FRMD6: variants seen among roughly 807,000 people sequenced by gnomAD.
FRMD6 encodes FERM domain containing 6, also known as FERM domain-containing protein 6.
In FRMD6, 37 loss-of-function variants were observed where a neutral mutation model predicts 73.2. That is an observed-to-expected ratio of 0.51 (90% CI 0.39 to 0.66). The LOEUF (loss-of-function observed/expected upper bound fraction) is 0.66. FRMD6 is among the 30% of genes least tolerant of loss of function. The probability of loss-of-function intolerance (pLI) is 0.00; values close to 1 mark genes in which losing one functional copy is unlikely to be tolerated. For synonymous variants in FRMD6, 273 were observed against 282.2 expected (o/e 0.97, Z 0.33); for missense variants, 714 against 780.5 (o/e 0.91, Z 1.02).
At chr14:51,657,417 A>G (rs1298401057) in intron 1 of FRMD6, among the ~76,000 whole-genome samples, 4 of 152,186 alleles carry the variant, frequency 2.6e-5, no homozygotes, top group African/African-American at 9.7e-5. Context: ...GCTGACTTTT[A>G]TTGTCATGGT....
At chr14:51,427,840 T>C in the FRMD6 span, among the ~76,000 whole-genome samples, 1 of 152,188 alleles carries the variant, frequency 6.6e-6, no homozygotes, top group Admixed American at 6.5e-5. Flanking sequence ...ACCACAGAAA[T>C]TGGCACCCAC....
At chr14:51,484,193 G>A (rs1307257645), upstream of FRMD6, among the ~76,000 whole-genome samples, 2 of 152,300 alleles carry the variant, frequency 1.3e-5, no homozygotes, top group African/African-American at 4.8e-5. Context: ...GGAAAGGCTT[G>A]GGTTGGGGGA....
rs563028080 is a variant in FRMD6 at position 51,704,974 on chromosome 14, CG to C, written c.558+42del. Reference sequence around the variant, plus strand: ...TCAAATTCGAAAGAGTGTTTTCTCTCGGGCATTTCTAGTTCGTAGTGTTGCT... The same window carrying C: ...TCAAATTCGAAAGAGTGTTTTCTCTCGGCATTTCTAGTTCGTAGTGTTGCT... On this transcript the variant is annotated intron_variant, in intron 6 of 13. Transcript: ENST00000344768. 244 of 1,559,504 alleles carry C rather than the reference CG, an allele frequency of 1.6e-4. 1 individual carries two copies. In the African/African-American group the frequency reaches 2.8e-3, roughly 18 times the overall value.
chr14:51,448,213 TCTC>T, the FRMD6 span, among the ~76,000 whole-genome samples: 2 of 152,256 alleles, frequency 1.3e-5, no homozygotes, highest in African/African-American at 4.8e-5. Flanking sequence ...CTCTTTATCA[TCTC>T]CTTCTGGATT....
the FRMD6 span, among the ~76,000 whole-genome samples, chr14:51,428,185 G>A: frequency 1.3e-5 from 2 of 152,154 alleles, no homozygotes; most frequent in Non-Finnish European, 2.9e-5. Flanking sequence ...AAGGTGCCAG[G>A]TGAACTTCCT....
chr14:51,692,376 T>C (rs1895653508), intron 2 of FRMD6, among the ~76,000 whole-genome samples: 2 of 152,240 alleles, frequency 1.3e-5, no homozygotes, highest in South Asian at 4.1e-4. Context: ...ATATAAAAGA[T>C]ATCCAATAAT....
intron 2 of FRMD6, among the ~76,000 whole-genome samples, chr14:51,613,570 A>T (rs1194947557): frequency 6.6e-6 from 1 of 152,152 alleles, no homozygotes; most frequent in Non-Finnish European, 1.5e-5. Flanking sequence ...AACACCAGCA[A>T]TGTTAGAGGT....
intron 2 of FRMD6, among the ~76,000 whole-genome samples, chr14:51,627,688 T>C (rs532846247): frequency 6.6e-6 from 1 of 152,344 alleles, no homozygotes; most frequent in South Asian, 2.1e-4. Context: ...TTCTGGCCTG[T>C]GATCATCTCC....
At chr14:51,483,732 A>G in the FRMD6 span, among the ~76,000 whole-genome samples, 2 of 152,270 alleles carry the variant, frequency 1.3e-5, no homozygotes, top group Non-Finnish European at 2.9e-5. Context: ...CAATAAACTA[A>G]TACTCAGTAC....
intron 2 of FRMD6, among the ~76,000 whole-genome samples, chr14:51,592,162 G>A (rs1384167736): frequency 1.3e-5 from 2 of 152,152 alleles, no homozygotes; most frequent in East Asian, 3.8e-4. Flanking sequence ...AGCACATGTT[G>A]CTTTTGTGAT....
In FRMD6 at chr14:51,616,011, G is replaced by T. The variant is rs552866400; in HGVS notation, c.-147+45601G>T. Among the ~76,000 whole-genome samples, 6 of 152,292 alleles carry T rather than the reference G, an allele frequency of 3.9e-5. No individual in the cohort carries two copies. The East Asian group carries it at 9.7e-4, about 24-fold the overall frequency. On this transcript the variant is annotated intron_variant, in intron 2 of 14. Transcript: ENST00000356218. ...AGGAAAGATCTAGTTGAAAGGAAGA[G>T]ATTAGATCTTGGAAGATATGGGTAT...
the FRMD6 span, among the ~76,000 whole-genome samples, chr14:51,406,829 A>AG: frequency 6.6e-6 from 1 of 152,194 alleles, no homozygotes. Flanking sequence ...TTCTCTATGA[A>AG]GGCCTTGTGC....
the FRMD6 span, among the ~76,000 whole-genome samples, chr14:51,402,859 C>T: frequency 2.0e-3 from 311 of 152,162 alleles, no homozygotes; most frequent in Non-Finnish European, 3.5e-3. Flanking sequence ...AGGATGGTCT[C>T]GATCTCCTAA....
chr14:51,700,762 A>G (rs1195487921), intron 3 of FRMD6, among the ~76,000 whole-genome samples: 1 of 152,006 alleles, frequency 6.6e-6, no homozygotes, highest in Non-Finnish European at 1.5e-5. Context: ...GTAAGTCATA[A>G]TGACCCTAGA....
chr14:51,652,025 CTT>C (rs1215892901), intron 1 of FRMD6, 29 bp downstream of exon 1: 4 of 152,258 alleles, frequency 2.6e-5, no homozygotes, highest in African/African-American at 9.6e-5. Flanking sequence ...CGTCTGGGCC[CTT>C]TCCGCTCGCC....
intron 2 of FRMD6, among the ~76,000 whole-genome samples, chr14:51,630,377 C>T (rs12434769): frequency 6.6e-6 from 1 of 152,048 alleles, no homozygotes; most frequent in Non-Finnish European, 1.5e-5. Flanking sequence ...GTGAGTGAAG[C>T]TGGGATTCAA....
intron 1 of FRMD6, among the ~76,000 whole-genome samples, chr14:51,541,621 T>A (rs561519037): frequency 2.0e-5 from 3 of 152,054 alleles, no homozygotes; most frequent in African/African-American, 7.2e-5. Context: ...GGGAGACCCA[T>A]TGTTAGGATG....
the FRMD6 span, among the ~76,000 whole-genome samples, chr14:51,477,040 A>G: frequency 4.6e-5 from 7 of 152,226 alleles, no homozygotes; most frequent in African/African-American, 1.7e-4. Context: ...TTTGTTCCCA[A>G]TGAAGAAATT....
chr14:51,408,641 T>G, the FRMD6 span, among the ~76,000 whole-genome samples: 1 of 152,186 alleles, frequency 6.6e-6, no homozygotes, highest in East Asian at 1.9e-4. Context: ...CATAATCGTT[T>G]TACTCTCCTG....
Sources: gnomAD v4.1 joint callset for allele counts (sites outside exome capture counted in the v4.1 genomes callset) on GRCh38, gnomAD v4.1.1 for gene constraint, MANE v1.5 for transcripts, NCBI Gene and HGNC (gene_info 2026-07-23, HGNC 2026-07-21) for gene names.